The following ANO5 variants were observed in gnomAD, a reference collection of about 807,000 sequenced individuals.
ANO5 encodes the protein anoctamin-5.
Under a neutral mutation model 121.0 loss-of-function variants are expected in ANO5, and 109 were observed. That is an observed-to-expected ratio of 0.90 (90% CI 0.77 to 1.06). ANO5 has a LOEUF of 1.06. ANO5 is among the 50% of genes least tolerant of loss of function. The pLI, the probability that ANO5 is intolerant of heterozygous loss-of-function variation, is 0.00. For missense variants in ANO5, 1,064 were observed against 1,078.5 expected (o/e 0.99, Z 0.19); for synonymous variants, 406 against 359.9 (o/e 1.13, Z -1.45).
chr11:22,271,212 C>T (rs1264211569), intron 18 of ANO5, among the ~76,000 whole-genome samples: 5 of 152,128 alleles, frequency 3.3e-5, no homozygotes, highest in Non-Finnish European at 7.4e-5. Flanking sequence ...CGTGCCATCA[C>T]GCCCGGCTAA....
chr11:22,275,309 G>GACACACACAC (rs56171321), intron 20 of ANO5, among the ~76,000 whole-genome samples: 18 of 148,610 alleles, frequency 1.2e-4, no homozygotes, highest in East Asian at 5.9e-4. Flanking sequence ...ACAATTTAAA[G>GACACACACAC]ACACACACAC....
chr11:22,227,357 T>C lies in ANO5; in HGVS notation c.419T>C (p.Leu140Ser), dbSNP rs1852874641. Residue 140 changes from leucine to serine, a missense_variant, in exon 7 of 22, where the codon TTA becomes TCA. By Grantham distance (145) the Leu-to-Ser change is moderately radical. Transcript: ENST00000324559. ...FVKIHAPWEV[L>S]VTYAEVLGIK... is the part of the protein sequence containing the mutation. ...AAGATCCATGCCCCTTGGGAGGTATTAGTTACCTATGCTGAAGTCTTGGGA... is the reference window on the plus strand; with the variant it reads ...AAGATCCATGCCCCTTGGGAGGTATCAGTTACCTATGCTGAAGTCTTGGGA... 6.2e-7 allele frequency: 1 copy of C among 1,613,416 alleles called. No individual in the cohort carries two copies.
intron 1 of ANO5, among the ~76,000 whole-genome samples, chr11:22,198,453 T>C (rs1045894286): frequency 3.3e-5 from 5 of 152,196 alleles, no homozygotes; most frequent in African/African-American, 1.2e-4. Flanking sequence ...CTAGTAATAA[T>C]AGGAGGTAAT....
At position 22,280,108 on chromosome 11, in the gene ANO5, T is replaced by C; in HGVS notation, c.*343T>C. Reference sequence around the variant, plus strand: ...CTTGGGCTGTCCCATCACTTTCCAGTGCATCTATTTATTTTTGTGGTCTTC... The same window carrying C: ...CTTGGGCTGTCCCATCACTTTCCAGCGCATCTATTTATTTTTGTGGTCTTC... On this transcript the variant is annotated 3_prime_UTR_variant, in exon 22 of 22. Coordinates refer to ENST00000324559, the MANE Select transcript of ANO5 (RefSeq NM_213599.3). The C allele has an allele frequency of 4.3e-6, 1 of 234,666 alleles. No homozygotes were observed. The highest frequency in any genetic ancestry group is 8.3e-6 in the Non-Finnish European group (1 of 119,916). 14.5% of individuals were successfully genotyped at this position (234,666 alleles called of 1,614,324 possible).
At chr11:22,257,638 G>C in intron 13 of ANO5, 42 bp from the exon 14 acceptor site, 3 of 1,501,952 alleles carry the variant, frequency 2.0e-6, no homozygotes, top group Non-Finnish European at 2.8e-6. Context: ...TTGACTTAGA[G>C]GGGAGATTTT....
chr11:22,211,997 T>C lies in ANO5; in HGVS notation c.138+683T>C, dbSNP rs1359522574. ...TTTTCTTTTTAAATTTATTTTTACT[T>C]TTTTTTTTTTACTACATAAAGCATT... On this transcript the variant is annotated intron_variant, in intron 3 of 21. Transcript: ENST00000324559. Among the ~76,000 whole-genome samples the C allele has an allele frequency of 7.1e-4, 4 of 5,630 alleles. No individual in the cohort carries two copies. In the African/African-American group the frequency reaches 0.017, roughly 24 times the overall value. The allele number at this position is 5,630 out of a possible 152,430, so 3.7% of individuals were successfully genotyped here.
chr11:22,224,779 A>G (rs542747848), intron 5 of ANO5, among the ~76,000 whole-genome samples: 2 of 152,248 alleles, frequency 1.3e-5, no homozygotes, highest in South Asian at 4.1e-4. Flanking sequence ...GGATGAATAG[A>G]TAAAGAAAAC....
chr11:22,218,824 A>C (rs1478049149), intron 4 of ANO5, among the ~76,000 whole-genome samples: 2 of 152,038 alleles, frequency 1.3e-5, no homozygotes, highest in African/African-American at 4.8e-5. Context: ...CGGACTCTCA[A>C]AGTGCTGGGA....
At chr11:22,270,284 A>G (rs1285327804) in intron 17 of ANO5, 28 bp from the exon 18 acceptor site, 6 of 1,613,604 alleles carry the variant, frequency 3.7e-6, no homozygotes, top group Non-Finnish European at 5.1e-6. Flanking sequence ...GTCCTATTTC[A>G]TATATTAACT....
intron 7 of ANO5, among the ~76,000 whole-genome samples, chr11:22,233,840 A>G (rs1170886867): frequency 6.6e-6 from 1 of 152,098 alleles, no homozygotes; most frequent in African/African-American, 2.4e-5. Context: ...CCAGAATGTC[A>G]ACAAGCGAAA....
At chr11:22,201,631 T>C (rs1260411280) in intron 1 of ANO5, among the ~76,000 whole-genome samples, 3 of 152,158 alleles carry the variant, frequency 2.0e-5, no homozygotes, top group Non-Finnish European at 4.4e-5. Flanking sequence ...AAGTCCAAGG[T>C]TGGGGACCAC....
intron 2 of ANO5, 51 bp from the exon 3 acceptor site, chr11:22,211,213 C>G (rs767531518): frequency 6.3e-7 from 1 of 1,586,180 alleles, no homozygotes; most frequent in Non-Finnish European, 8.7e-7. Context: ...GCACCCTTTG[C>G]TCCACCTGCA....
At chr11:22,265,387 AT>A (rs1854325325) in intron 17 of ANO5, among the ~76,000 whole-genome samples, 1 of 152,124 alleles carries the variant, frequency 6.6e-6, no homozygotes, top group Non-Finnish European at 1.5e-5. Flanking sequence ...TAAAATAGAC[AT>A]TTTTAGACAT....
intron 15 of ANO5, among the ~76,000 whole-genome samples, chr11:22,259,961 A>T (rs538437067): frequency 4.1e-4 from 62 of 151,844 alleles, no homozygotes; most frequent in African/African-American, 1.5e-3. Flanking sequence ...AAAAAAAAAA[A>T]AGAATTCTGA....
chr11:22,259,853 C>T (rs1391696443), intron 15 of ANO5, 112 bp downstream of exon 15: 4 of 1,084,606 alleles, frequency 3.7e-6, no homozygotes, highest in Non-Finnish European at 4.1e-6. Flanking sequence ...CATTTTAAGG[C>T]AGTTTTTCTC....
intron 5 of ANO5, 52 bp from the exon 6 acceptor site, chr11:22,225,932 C>A: frequency 1.4e-6 from 2 of 1,396,472 alleles, no homozygotes; most frequent in African/African-American, 1.4e-5. Flanking sequence ...CAATACTGAG[C>A]AAATAAAACA....
intron 9 of ANO5, among the ~76,000 whole-genome samples, chr11:22,243,143 T>A (rs1361244235): frequency 2.0e-5 from 3 of 152,142 alleles, no homozygotes; most frequent in African/African-American, 7.2e-5. Context: ...TATCAAAAGC[T>A]TTTTCTGCAT....
At chr11:22,266,871 C>T (rs1219628029) in intron 17 of ANO5, among the ~76,000 whole-genome samples, 1 of 152,150 alleles carries the variant, frequency 6.6e-6, no homozygotes, top group Non-Finnish European at 1.5e-5. Context: ...ATGCCAGTAA[C>T]TCATCCCTCT....
chr11:22,262,883 G>T, intron 16 of ANO5, 63 bp from the exon 17 acceptor site: 2 of 1,223,132 alleles, frequency 1.6e-6, no homozygotes, highest in African/African-American at 1.5e-5. Context: ...GTTTCCTTTA[G>T]GTGTTGCAAA....
Sources: gnomAD v4.1 joint callset for allele counts (sites outside exome capture counted in the v4.1 genomes callset) on GRCh38, gnomAD v4.1.1 for gene constraint, MANE v1.5 for transcripts, NCBI Gene and HGNC (gene_info 2026-07-23, HGNC 2026-07-21) for gene names.